TACC1: variants seen among roughly 807,000 people sequenced by gnomAD.
TACC1 encodes transforming acidic coiled-coil-containing protein 1.
TACC1 carries 48 observed loss-of-function variants against 84.4 expected under a neutral mutation model. The observed-to-expected ratio is 0.57, with a 90% confidence interval of 0.45 to 0.72. The LOEUF (loss-of-function observed/expected upper bound fraction) is 0.72, where lower values mean the gene tolerates loss of function less well. Among genes scored for constraint, TACC1 ranks in the 30% least tolerant of loss-of-function variants. The pLI, the probability that TACC1 is intolerant of heterozygous loss-of-function variation, is 0.00. For synonymous variants in TACC1, 372 were observed against 376.3 expected (o/e 0.99, Z 0.13); for missense variants, 920 against 973.0 (o/e 0.95, Z 0.72).
chr8:38,778,758 C>G (rs867413564), intron 3 of TACC1, among the ~76,000 whole-genome samples: 2 of 152,298 alleles, frequency 1.3e-5, no homozygotes, highest in Non-Finnish European at 2.9e-5. Flanking sequence ...TACTTTTTCC[C>G]AGATGGGGAG....
intron 3 of TACC1, among the ~76,000 whole-genome samples, chr8:38,749,701 C>T (rs1446784327): frequency 6.6e-6 from 1 of 152,092 alleles, no homozygotes; most frequent in Non-Finnish European, 1.5e-5. Context: ...AAGCGATTCT[C>T]CTGCCTCAGC....
chr8:38,847,455 G>A (rs546916475), intron 12 of TACC1, among the ~76,000 whole-genome samples: 1 of 152,280 alleles, frequency 6.6e-6, no homozygotes, highest in South Asian at 2.1e-4. Context: ...TTAGCTTTCC[G>A]TTTTTATATG....
At chr8:38,825,879 C>T (rs2152254445) in intron 4 of TACC1, among the ~76,000 whole-genome samples, 1 of 152,214 alleles carries the variant, frequency 6.6e-6, no homozygotes, top group African/African-American at 2.4e-5. Flanking sequence ...GAACTACTTT[C>T]TGTTTCATCT....
At chr8:38,763,534 C>G (rs140790640) in intron 3 of TACC1, among the ~76,000 whole-genome samples, 1 of 152,204 alleles carries the variant, frequency 6.6e-6, no homozygotes, top group Admixed American at 6.5e-5. Context: ...GAAATGGAGT[C>G]AGAAACCAAA....
intron 6 of TACC1, among the ~76,000 whole-genome samples, chr8:38,831,797 G>T (rs1829302956): frequency 6.8e-6 from 1 of 147,414 alleles, no homozygotes; most frequent in Non-Finnish European, 1.5e-5. Flanking sequence ...CACCTGGCTG[G>T]TTTACTCAGT....
chr8:38,842,515 C>A lies in TACC1; in HGVS notation c.2121+68C>A. The A allele has an allele frequency of 1.2e-5, 18 of 1,481,062 alleles. No individual in the cohort carries two copies. In the South Asian group the frequency reaches 2.4e-4, roughly 20 times the overall value. 91.7% of individuals were successfully genotyped at this position (1,481,062 alleles called of 1,614,324 possible). A position where few individuals can be genotyped will look rare whatever the true frequency, so the allele number is the denominator to read the frequency against. ...GTGTATTTCCTTGGTAACTGGTCAT[C>A]AAATACATATGCCAGAGGTTGTGGG... On this transcript the variant is annotated intron_variant, in intron 10 of 12. Coordinates refer to ENST00000317827, the MANE Select transcript of TACC1 (RefSeq NM_006283.3).
chr8:38,825,820 C>T (rs1363042029), intron 4 of TACC1, among the ~76,000 whole-genome samples: 3 of 152,062 alleles, frequency 2.0e-5, no homozygotes, highest in African/African-American at 7.2e-5. Flanking sequence ...TTTTTTTGGG[C>T]ACATAACTTG....
At chr8:38,811,959 G>T (rs1366397462) in intron 2 of TACC1, among the ~76,000 whole-genome samples, 1 of 152,140 alleles carries the variant, frequency 6.6e-6, no homozygotes, top group Non-Finnish European at 1.5e-5. Context: ...CCTGGGGAAA[G>T]AATGCATTCC....
intron 1 of TACC1, among the ~76,000 whole-genome samples, chr8:38,740,045 A>G (rs1393974543): frequency 6.6e-6 from 1 of 152,192 alleles, no homozygotes; most frequent in African/African-American, 2.4e-5. Context: ...TAACAGCTGG[A>G]GGTTCTCAGC....
chr8:38,778,384 A>T (rs1475521095), intron 3 of TACC1, among the ~76,000 whole-genome samples: 1 of 152,136 alleles, frequency 6.6e-6, no homozygotes, highest in East Asian at 1.9e-4. Context: ...TGACAGTTTT[A>T]TCCAGTTTCC....
chr8:38,755,021 G>A (rs916600942), intron 3 of TACC1, among the ~76,000 whole-genome samples: 7 of 152,062 alleles, frequency 4.6e-5, no homozygotes, highest in African/African-American at 1.4e-4. Flanking sequence ...ATAGCCAGGC[G>A]TGATGGTGCG....
In TACC1 at chr8:38,820,490, C is replaced by A. The variant is rs1826529057; in HGVS notation, c.1246C>A (p.His416Asn). 6.2e-7 allele frequency: 1 copy of A among 1,614,186 alleles called. No individual in the cohort carries two copies. Among genetic ancestry groups the A allele is most frequent in the East Asian group, 2.2e-5 (1 of 44,882 alleles). ...SPPLSSEGSYHFDPDNFDESM... is the reference protein window; with the variant it reads ...SPPLSSEGSYNFDPDNFDESM... Reference sequence around the variant, plus strand: ...ACCCCTCTCTTCTGAGGGCTCCTACCACTTTGACCCAGATAACTTTGACGA... The same window carrying A: ...ACCCCTCTCTTCTGAGGGCTCCTACAACTTTGACCCAGATAACTTTGACGA... The change falls in exon 3 of 13, where the codon CAC becomes AAC. Residue 416 changes from histidine to asparagine, a missense_variant. By Grantham distance (68) the His-to-Asn change is moderately conservative (BLOSUM62 1). Coordinates refer to ENST00000317827, the MANE Select transcript of TACC1 (RefSeq NM_006283.3).
intron 3 of TACC1, among the ~76,000 whole-genome samples, chr8:38,749,657 T>C (rs1808679959): frequency 6.6e-6 from 1 of 152,124 alleles, no homozygotes; most frequent in African/African-American, 2.4e-5. Flanking sequence ...AGTGGTGTGA[T>C]CTCAGCTCAC....
At chr8:38,826,130 A>G (rs947343744) in intron 4 of TACC1, among the ~76,000 whole-genome samples, 2 of 152,202 alleles carry the variant, frequency 1.3e-5, no homozygotes, top group African/African-American at 4.8e-5. Flanking sequence ...AATAGAGTTC[A>G]ATTTAACATA....
chr8:38,756,116 G>A (rs997106175), intron 3 of TACC1, among the ~76,000 whole-genome samples: 11 of 151,844 alleles, frequency 7.2e-5, no homozygotes, highest in Non-Finnish European at 1.3e-4. Flanking sequence ...GCCCGGCCGG[G>A]AAGAGAGAAT....
At position 38,792,722 on chromosome 8, in the gene TACC1, C is replaced by T. The variant is rs576796514; in HGVS notation, c.277+3903C>T. On this transcript the variant is annotated intron_variant, in intron 2 of 12. Coordinates refer to ENST00000317827, the MANE Select transcript of TACC1 (RefSeq NM_006283.3). ...CCTCGTGATCCGCCCGCCTTGGCCT[C>T]CCAAAGTGCTGGGATTACAGGCGTG... is the stretch of plus-strand genomic sequence containing the variant. 3.3e-5 allele frequency among the ~76,000 whole-genome samples: 5 copies of T among 152,306 alleles called. No individual in the cohort carries two copies. The East Asian group carries it at 7.7e-4, about 24-fold the overall frequency.
intron 2 of TACC1, among the ~76,000 whole-genome samples, chr8:38,819,068 A>C (rs1482968704): frequency 2.0e-5 from 3 of 152,204 alleles, no homozygotes; most frequent in Non-Finnish European, 2.9e-5. Context: ...TCAAAGATTC[A>C]GATCTGTTCA....
intron 2 of TACC1, among the ~76,000 whole-genome samples, chr8:38,806,636 A>C (rs968620397): frequency 1.3e-5 from 2 of 152,080 alleles, no homozygotes; most frequent in Non-Finnish European, 2.9e-5. Context: ...GGTTTTGGGT[A>C]AGAAGATATT....
At chr8:38,754,972 C>A (rs1003159550) in intron 3 of TACC1, among the ~76,000 whole-genome samples, 1 of 152,100 alleles carries the variant, frequency 6.6e-6, no homozygotes, top group African/African-American at 2.4e-5. Flanking sequence ...ACAGCCTGGC[C>A]AACATAGTGA....
Sources: gnomAD v4.1 joint callset for allele counts (sites outside exome capture counted in the v4.1 genomes callset) on GRCh38, gnomAD v4.1.1 for gene constraint, MANE v1.5 for transcripts, NCBI Gene and HGNC (gene_info 2026-07-23, HGNC 2026-07-21) for gene names.